The following AMY2B variants were observed in gnomAD, a reference collection of about 807,000 sequenced individuals.
AMY2B encodes the protein alpha-amylase 2B.
In AMY2B, 63 loss-of-function variants were observed where a neutral mutation model predicts 59.3. The ratio of observed to expected loss-of-function variants is 1.06; its 90% CI spans 0.87 to 1.31. The LOEUF is 1.31. Among genes scored for constraint, AMY2B ranks in the 50% most tolerant of loss-of-function variants. The pLI, the probability that AMY2B is intolerant of heterozygous loss-of-function variation, is 0.00. For synonymous variants in AMY2B, 180 were observed against 198.1 expected (o/e 0.91, Z 0.77); for missense variants, 635 against 626.7 (o/e 1.01, Z -0.14).
Position 103,573,133 on chromosome 1 carries a change from C to T in AMY2B, c.386C>T (p.Thr129Ile). ...GCTGTGAGTGCAGGAACAAGCAGTA[C>T]CTGTGGAAGTTACTTCAACCCTGGA... ...GNAVSAGTSSTCGSYFNPGSR... is the reference protein window; with the variant it reads ...GNAVSAGTSSICGSYFNPGSR... Residue 129 changes from threonine (T) to isoleucine (I), a missense_variant, in exon 3 of 10, where the codon ACC becomes ATC. Coordinates refer to ENST00000684275, the MANE Select transcript of AMY2B (RefSeq NM_001387437.1). The T allele has an allele frequency of 6.2e-7, 1 of 1,613,724 alleles. No homozygotes were observed. The highest frequency in any genetic ancestry group is 8.5e-7 in the Non-Finnish European group (1 of 1,179,738).
chr1:103,579,274 AGT>A, intron 9 of AMY2B, 35 bp from the exon 10 acceptor site: 3 of 1,611,532 alleles, frequency 1.9e-6, no homozygotes, highest in South Asian at 2.2e-5. Context: ...CTTGATTTTC[AGT>A]GTATTGAAGT....
In AMY2B at chr1:103,574,394, G is replaced by A. The variant is rs746033188; in HGVS notation, c.878+1G>A. 3.7e-6 allele frequency: 6 copies of A among 1,610,998 alleles called. No individual in the cohort carries two copies. Among genetic ancestry groups the A allele is most frequent in the Non-Finnish European group, 3.4e-6 (4 of 1,179,578 alleles). ...ATGGAGAGAAGATGTCTTACCTAAA[G>A]TAAATAAATACAACTTTTCCCCTGA... On this transcript the variant is annotated splice_donor_variant, in intron 5 of 9. Coordinates refer to ENST00000684275, the MANE Select transcript of AMY2B (RefSeq NM_001387437.1). LOFTEE classifies it high-confidence loss of function.
At chr1:103,578,896 A>T (rs945521255) in intron 9 of AMY2B, among the ~76,000 whole-genome samples, 1 of 152,110 alleles carries the variant, frequency 6.6e-6, no homozygotes, top group African/African-American at 2.4e-5. Flanking sequence ...AGATATACCT[A>T]ATGCTAGATG....
rs1164974331 is a variant in AMY2B, at chr1:103,573,874, A to G, written c.680A>G (p.Asp227Gly). The G allele has an allele frequency of 6.2e-7, 1 of 1,613,884 alleles. No homozygotes were observed. Among genetic ancestry groups the G allele is most frequent in the Non-Finnish European group, 8.5e-7 (1 of 1,179,784 alleles). Residue 227 changes from aspartate to glycine, a missense_variant, in exon 4 of 10, where the codon GAC becomes GGC. Coordinates refer to ENST00000684275, the MANE Select transcript of AMY2B (RefSeq NM_001387437.1). ...MWPGDIKAIL[D>G]KLHNLNSNWF... ...CCTGGAGACATAAAGGCAATTTTGG[A>G]CAAACTGCATAATCTAAACAGTAAC...
In AMY2B at chr1:103,572,094, A is replaced by T. The variant is rs754426617; in HGVS notation, c.169-16A>T. 2.5e-6 allele frequency: 4 copies of T among 1,611,660 alleles called. No individual in the cohort carries two copies. Among genetic ancestry groups the T allele is most frequent in the South Asian group, 1.1e-5 (1 of 90,964 alleles). ...GAGTAAGAATTTGGTAGTTATGAAG[A>T]CTGTTTAATTTGTAGGTCTCTCCAC... is the stretch of plus-strand genomic sequence containing the variant. On this transcript the variant is annotated splice_polypyrimidine_tract_variant and intron_variant, in intron 1 of 9. Transcript: ENST00000684275.
chr1:103,570,488 G>A (rs1652082710), upstream of AMY2B: 1 of 665,602 alleles, frequency 1.5e-6, no homozygotes, highest in Non-Finnish European at 2.8e-6. Flanking sequence ...ACAGGATGCA[G>A]AAGGAGATCA....
At chr1:103,571,001 A>G (rs751370772), upstream of AMY2B, 37 of 379,912 alleles carry the variant, frequency 9.7e-5, no homozygotes, top group Non-Finnish European at 1.6e-4. Flanking sequence ...CATGGCCAGC[A>G]GTCTCTGATC....
upstream of AMY2B, chr1:103,569,891 G>C (rs1024900944): frequency 2.2e-6 from 1 of 462,390 alleles, no homozygotes; most frequent in Non-Finnish European, 4.3e-6. Flanking sequence ...GAACCTCAAG[G>C]CCAACAGAGA....
chr1:103,559,522 T>C (rs1364041704), intron 1 of AMY2B, among the ~76,000 whole-genome samples: 1 of 152,164 alleles, frequency 6.6e-6, no homozygotes, highest in East Asian at 1.9e-4. Context: ...ATACCAGCAT[T>C]CATGATTACT....
chr1:103,556,550 A>C (rs749999379), intron 1 of AMY2B, among the ~76,000 whole-genome samples: 29 of 151,508 alleles, frequency 1.9e-4, no homozygotes, highest in Non-Finnish European at 4.0e-4. Flanking sequence ...TTGAAATTAG[A>C]GTATAATAAT....
intron 9 of AMY2B, 67 bp downstream of exon 9, chr1:103,577,912 GTTCA>G (rs1165894202): frequency 3.8e-6 from 6 of 1,586,048 alleles, no homozygotes; most frequent in Non-Finnish European, 5.1e-6. Flanking sequence ...CTTTTTTTCT[GTTCA>G]TTGACATTTA....
upstream of AMY2B, among the ~76,000 whole-genome samples, chr1:103,568,091 G>A (rs1021349859): frequency 6.6e-6 from 1 of 152,060 alleles, no homozygotes; most frequent in African/African-American, 2.4e-5. Flanking sequence ...ATCACTGTTA[G>A]TACTGTTGCT....
chr1:103,567,192 G>A (rs1383238090), upstream of AMY2B, among the ~76,000 whole-genome samples: 1 of 152,156 alleles, frequency 6.6e-6, no homozygotes, highest in Non-Finnish European at 1.5e-5. Flanking sequence ...GGAAGGAAAA[G>A]TAGTTGCTTC....
rs1652201518 is a variant in AMY2B, at chr1:103,573,101, T to G, written c.354T>G (p.Ser118=). 1 of 1,613,788 alleles carries G rather than the reference T, an allele frequency of 6.2e-7. No homozygotes were observed. ...IYVDAVINHM[S]GNAVSAGTSS... is the part of the protein sequence containing the mutation. Reference sequence around the variant, plus strand: ...TGGATGCTGTAATTAATCATATGTCTGGTAATGCTGTGAGTGCAGGAACAA... The same window carrying G: ...TGGATGCTGTAATTAATCATATGTCGGGTAATGCTGTGAGTGCAGGAACAA... The change falls in exon 3 of 10, where the codon TCT becomes TCG. Residue 118 remains serine (S), a synonymous_variant. Coordinates refer to ENST00000684275, the MANE Select transcript of AMY2B (RefSeq NM_001387437.1).
upstream of AMY2B, chr1:103,569,234 A>G (rs538992632): frequency 6.6e-6 from 1 of 152,220 alleles, no homozygotes; most frequent in South Asian, 2.1e-4. Context: ...CAAACCATAC[A>G]TATATACATA....
At chr1:103,559,146 T>C (rs1651655765) in intron 1 of AMY2B, among the ~76,000 whole-genome samples, 1 of 152,208 alleles carries the variant, frequency 6.6e-6, no homozygotes. Flanking sequence ...ATAATCACTT[T>C]AAAACTTAAA....
intron 5 of AMY2B, among the ~76,000 whole-genome samples, chr1:103,574,907 C>CT (rs35914204): frequency 1.3e-5 from 2 of 150,996 alleles, no homozygotes; most frequent in Non-Finnish European, 3.0e-5. Context: ...CTGAAAGGAC[C>CT]TTTTTTAATA....
chr1:103,573,222 G>A lies in AMY2B; in HGVS notation c.475G>A (p.Gly159Arg), dbSNP rs1187035257. ...TTTTAATGATGGTAAATGTAAAACT[G>A]GAAGTGGAGATATCGAGAACTACAA... ...WDFNDGKCKTGSGDIENYNDA... is the reference protein window; with the variant it reads ...WDFNDGKCKTRSGDIENYNDA... The change falls in exon 3 of 10, where the codon GGA becomes AGA. Residue 159 changes from glycine (G) to arginine (R), a missense_variant. Transcript: ENST00000684275. The A allele has an allele frequency of 6.2e-7, 1 of 1,613,546 alleles. No homozygotes were observed. Among genetic ancestry groups the A allele is most frequent in the African/African-American group, 1.3e-5 (1 of 74,886 alleles).
At chr1:103,571,523 C>A (rs545940854), upstream of AMY2B, 91 of 1,581,336 alleles carry the variant, frequency 5.8e-5, no homozygotes, top group African/African-American at 1.1e-3. Context: ...TTTATTCATG[C>A]TAATATTTAC....
Sources: gnomAD v4.1 joint callset for allele counts (sites outside exome capture counted in the v4.1 genomes callset) on GRCh38, gnomAD v4.1.1 for gene constraint, MANE v1.5 for transcripts, NCBI Gene and HGNC (gene_info 2026-07-23, HGNC 2026-07-21) for gene names.